The following ARCN1 variants were observed in gnomAD, a reference collection of about 807,000 sequenced individuals.
ARCN1 encodes the protein archain 1 coat protein complex I subunit delta.
ARCN1 carries 5 observed loss-of-function variants against 60.4 expected under a neutral mutation model. The observed-to-expected ratio is 0.08, with a 90% confidence interval of 0.04 to 0.17. The LOEUF is 0.17. ARCN1 is among the 10% of genes least tolerant of loss of function. ARCN1 has a pLI of 1.00. For synonymous variants in ARCN1, 224 were observed against 220.0 expected (o/e 1.02, Z -0.16); for missense variants, 464 against 626.5 (o/e 0.74, Z 2.77).
At chr11:118,584,085 A>G (rs1280073806) in intron 4 of ARCN1, 71 bp downstream of exon 4, 32 of 1,432,156 alleles carry the variant, frequency 2.2e-5, no homozygotes, top group Non-Finnish European at 3.0e-5. Flanking sequence ...TCATAATCTG[A>G]TTTCTTGGAA....
intron 8 of ARCN1, among the ~76,000 whole-genome samples, chr11:118,596,056 G>C (rs1939019616): frequency 6.7e-6 from 1 of 149,934 alleles, no homozygotes; most frequent in Admixed American, 6.7e-5. Flanking sequence ...GACAGAGCGA[G>C]ATTCCGTCTC....
intron 1 of ARCN1, 142 bp from the exon 2 acceptor site, chr11:118,581,104 A>C: frequency 9.3e-7 from 1 of 1,072,544 alleles, no homozygotes; most frequent in Non-Finnish European, 1.3e-6. Flanking sequence ...TGGGTGACAG[A>C]GTGAGACCCT....
intron 1 of ARCN1, chr11:118,573,587 C>T: frequency 1.5e-6 from 1 of 674,882 alleles, no homozygotes. Flanking sequence ...GAAGGATGTT[C>T]TGTTCTGTTC....
intron 1 of ARCN1, among the ~76,000 whole-genome samples, chr11:118,577,620 A>G (rs1938550206): frequency 6.6e-6 from 1 of 152,100 alleles, no homozygotes; most frequent in African/African-American, 2.4e-5. Flanking sequence ...ATTTCCACGC[A>G]CTTTATCGGT....
chr11:118,590,906 A>G (rs1399175993), intron 6 of ARCN1, among the ~76,000 whole-genome samples: 2 of 152,128 alleles, frequency 1.3e-5, no homozygotes, highest in Admixed American at 1.3e-4. Context: ...TAATACCAGC[A>G]CTCTGAGAGG....
chr11:118,585,216 G>A (rs1476290634), intron 5 of ARCN1, among the ~76,000 whole-genome samples: 1 of 152,284 alleles, frequency 6.6e-6, no homozygotes, highest in South Asian at 2.1e-4. Flanking sequence ...TCCTGCCTCA[G>A]CCTCCCAAGT....
In ARCN1 at chr11:118,597,960, A is replaced by G. The variant is rs1174758893; in HGVS notation, c.1446+49A>G. On this transcript the variant is annotated intron_variant, in intron 9 of 9. Coordinates refer to ENST00000264028, the MANE Select transcript of ARCN1 (RefSeq NM_001655.5). ...TATATAGGGAAAGTGGTAGGACAGT[A>G]GGAACACGTATAGGATGCCAGACAG... 5 of 1,588,252 alleles carry G rather than the reference A, an allele frequency of 3.1e-6. No individual in the cohort carries two copies. The Admixed American group carries it at 6.7e-5, about 21-fold the overall frequency.
chr11:118,573,883 A>G, intron 1 of ARCN1: 1 of 483,588 alleles, frequency 2.1e-6, no homozygotes, highest in South Asian at 3.5e-5. Context: ...GAGGTTCTGT[A>G]TTTGGTTAGT....
At position 118,583,164 on chromosome 11, in the gene ARCN1, G is replaced by T; in HGVS notation, c.268-15G>T. The T allele has an allele frequency of 1.2e-6, 2 of 1,611,128 alleles. No homozygotes were observed. Among genetic ancestry groups the T allele is most frequent in the Non-Finnish European group, 1.7e-6 (2 of 1,178,886 alleles). ...AAATTCTAAATCTTTCTTTTTTATT[G>T]GTGTCCACGCTTAGATCCCTGAATA... is the stretch of plus-strand genomic sequence containing the variant. On this transcript the variant is annotated splice_polypyrimidine_tract_variant and intron_variant, in intron 2 of 9. Coordinates refer to ENST00000264028, the MANE Select transcript of ARCN1 (RefSeq NM_001655.5).
intron 9 of ARCN1, among the ~76,000 whole-genome samples, chr11:118,599,074 G>A (rs539874186): frequency 3.7e-4 from 56 of 149,868 alleles, no homozygotes; most frequent in African/African-American, 8.3e-4. Context: ...GATTACAGGC[G>A]TGAACTACCA....
intron 1 of ARCN1, among the ~76,000 whole-genome samples, chr11:118,577,489 C>G (rs1938546144): frequency 6.6e-6 from 1 of 152,126 alleles, no homozygotes; most frequent in Admixed American, 6.6e-5. Flanking sequence ...CTCAGGTGAT[C>G]TGCCTGCCCT....
intron 5 of ARCN1, among the ~76,000 whole-genome samples, chr11:118,588,987 C>G (rs113054880): frequency 0.15 from 23,153 of 152,166 alleles, 2,343 homozygotes; most frequent in East Asian, 0.53. Context: ...CATTGCACTC[C>G]AGCCTGGGCA....
chr11:118,600,060 A>T (rs1939116104), intron 9 of ARCN1, among the ~76,000 whole-genome samples: 1 of 152,224 alleles, frequency 6.6e-6, no homozygotes, highest in South Asian at 2.1e-4. Flanking sequence ...ATTAGAAAAT[A>T]CGAATCAGTG....
At chr11:118,585,294 C>T (rs1938754261) in intron 5 of ARCN1, among the ~76,000 whole-genome samples, 1 of 151,960 alleles carries the variant, frequency 6.6e-6, no homozygotes, top group Non-Finnish European at 1.5e-5. Context: ...GATTGGGGGC[C>T]CTCAGCCACC....
chr11:118,593,383 A>T (rs952325375), intron 7 of ARCN1, among the ~76,000 whole-genome samples: 3 of 137,582 alleles, frequency 2.2e-5, no homozygotes, highest in Admixed American at 7.3e-5. Flanking sequence ...AAGTGCCACC[A>T]CGCCTGGCTT....
Position 118,583,866 on chromosome 11 carries a change from G to A in ARCN1, c.505G>A (p.Ala169Thr). Residue 169 changes from alanine (A) to threonine (T), a missense_variant, in exon 4 of 10, where the codon GCC becomes ACC. Physicochemically the swap from Ala to Thr is moderately conservative, Grantham distance 58. Around this residue, in one of 2 missense-constraint regions of ARCN1, gnomAD observed 359 missense variants for 440.2 expected, o/e 0.82. Transcript: ENST00000264028. The part of the protein sequence containing the change: ...MRRKAKELQQ[A>T]RRDAERQGKK... The stretch of plus-strand genomic sequence containing the variant: ...TCGTAAAGCAAAGGAATTACAACAG[G>A]CCCGAAGAGATGCAGAGAGACAGGG... 3.1e-6 allele frequency: 5 copies of A among 1,614,222 alleles called. No individual in the cohort carries two copies. Among genetic ancestry groups the A allele is most frequent in the Non-Finnish European group, 4.2e-6 (5 of 1,180,044 alleles).
In ARCN1 at chr11:118,590,425, C is replaced by A; in HGVS notation, c.903C>A (p.Ile301=). The change falls in exon 6 of 10, where the codon ATC becomes ATA. Residue 301 remains isoleucine (I), a synonymous_variant. Transcript: ENST00000264028. ...AGAATATGGAGTTGCATGGCATGAT[C>A]ATGCTTAGGATCTCAGATGACAAGT... ...GLQNMELHGM[I]MLRISDDKYG... The A allele has an allele frequency of 6.2e-7, 1 of 1,614,174 alleles. No individual in the cohort carries two copies. The highest frequency in any genetic ancestry group is 1.1e-5 in the South Asian group (1 of 91,082).
At position 118,601,657 on chromosome 11, in the gene ARCN1, T is replaced by G; in HGVS notation, c.*943T>G. ...AAAGATACGCATGTCTTCTGTTCTT[T>G]TCCCGTATCAATTCATTCCTTCATC... On this transcript the variant is annotated 3_prime_UTR_variant, in exon 10 of 10. Transcript: ENST00000264028. The G allele has an allele frequency of 1.4e-6, 1 of 703,042 alleles. No individual in the cohort carries two copies. The highest frequency in any genetic ancestry group is 2.6e-6 in the Non-Finnish European group (1 of 385,000). The allele number at this position is 703,042 out of a possible 1,614,324, so 43.6% of individuals were successfully genotyped here. A position where few individuals can be genotyped will look rare whatever the true frequency, so the allele number is the denominator to read the frequency against.
chr11:118,600,937 C>T lies in ARCN1; in HGVS notation c.*223C>T. Reference sequence around the variant, plus strand: ...GGCACAAACATAAAGGGAAAGGCTGCTAATTTTCTTTGGCAGATTGTATTG... The same window carrying T: ...GGCACAAACATAAAGGGAAAGGCTGTTAATTTTCTTTGGCAGATTGTATTG... On this transcript the variant is annotated 3_prime_UTR_variant, in exon 10 of 10. Transcript: ENST00000264028. 1 of 319,984 alleles carries T rather than the reference C, an allele frequency of 3.1e-6. No homozygotes were observed. The highest frequency in any genetic ancestry group is 4.5e-5 in the South Asian group (1 of 22,280). The allele number at this position is 319,984 out of a possible 1,614,324, so 19.8% of individuals were successfully genotyped here.
Sources: allele counts gnomAD v4.1 joint callset (sites outside exome capture counted in the v4.1 genomes callset), GRCh38; gene constraint gnomAD v4.1.1; regional missense constraint gnomAD v4.1.1; transcripts MANE v1.5; gene names NCBI Gene and HGNC (gene_info 2026-07-23, HGNC 2026-07-21).